LMLN: variants seen among roughly 807,000 people sequenced by gnomAD.
LMLN encodes leishmanolysin like peptidase, also known as leishmanolysin-like peptidase.
Under a neutral mutation model 92.3 loss-of-function variants are expected in LMLN, and 70 were observed. The ratio of observed to expected loss-of-function variants is 0.76; its 90% CI spans 0.63 to 0.92. The LOEUF (loss-of-function observed/expected upper bound fraction) is 0.92. Ranked by LOEUF, LMLN falls within the 40% of genes least tolerant of loss-of-function variation. LMLN has a pLI of 0.00. For synonymous variants in LMLN, 308 were observed against 296.2 expected (o/e 1.04, Z -0.41); for missense variants, 691 against 814.6 (o/e 0.85, Z 1.85).
chr3:197,980,246 T>A (rs994873220), intron 5 of LMLN, 80 bp from the exon 6 acceptor site: 1 of 1,193,056 alleles, frequency 8.4e-7, no homozygotes, highest in African/African-American at 1.5e-5. Flanking sequence ...GTTTATAGTG[T>A]AGATTTTACT....
At chr3:198,010,373 T>C (rs1212880537) in intron 11 of LMLN, among the ~76,000 whole-genome samples, 3 of 152,168 alleles carry the variant, frequency 2.0e-5, no homozygotes, top group Non-Finnish European at 2.9e-5. Flanking sequence ...GGTCTTGAAC[T>C]CCTGACCTCA....
chr3:197,971,895 A>T (rs770356843), intron 1 of LMLN, among the ~76,000 whole-genome samples: 1 of 146,560 alleles, frequency 6.8e-6, no homozygotes, highest in African/African-American at 2.5e-5. Flanking sequence ...ATAGGACTCT[A>T]ATTACCTATC....
chr3:198,023,180 T>TTTATTATTA (rs60913650), intron 13 of LMLN, among the ~76,000 whole-genome samples: 12 of 150,194 alleles, frequency 8.0e-5, no homozygotes, highest in African/African-American at 2.7e-4. Flanking sequence ...TGAATTCTGT[T>TTTATTATTA]TTATTATTAT....
Position 198,025,394 on chromosome 3 carries a change from G to A in LMLN, c.1656+606G>A, listed in dbSNP as rs1722905329. Among the ~76,000 whole-genome samples, 1 of 151,594 alleles carries A rather than the reference G, an allele frequency of 6.6e-6. No individual in the cohort carries two copies. The highest frequency in any genetic ancestry group is 2.1e-4 in the South Asian group (1 of 4,812). On this transcript the variant is annotated intron_variant, in intron 14 of 15. Transcript: ENST00000330198. This position sits in a 1 kb window ranked among gnomAD's most constrained non-coding sequence, Gnocchi z 4.3. ...TCCTTTTTCTTTTTCTTTTTTTTGA[G>A]ACAAGGTCTTGCTCTGTCAGCTAGG...
At chr3:198,023,382 G>T (rs1424560960) in intron 13 of LMLN, among the ~76,000 whole-genome samples, 1 of 151,900 alleles carries the variant, frequency 6.6e-6, no homozygotes, top group East Asian at 1.9e-4. Flanking sequence ...TAGAGATGAG[G>T]CTTGCTATGT....
chr3:198,006,717 C>G (rs899525222), intron 11 of LMLN, among the ~76,000 whole-genome samples: 2 of 147,084 alleles, frequency 1.4e-5, no homozygotes, highest in African/African-American at 5.0e-5. Context: ...GTCTCTTTGT[C>G]TTTTTTTTTT....
intron 11 of LMLN, among the ~76,000 whole-genome samples, chr3:198,012,879 G>A (rs1261415733): frequency 7.5e-6 from 1 of 132,602 alleles, no homozygotes; most frequent in South Asian, 2.4e-4. Context: ...GTACCCTTCA[G>A]AGTCCCCTAA....
chr3:198,020,689 G>C (rs1372389804), intron 12 of LMLN, among the ~76,000 whole-genome samples: 1 of 149,890 alleles, frequency 6.7e-6, no homozygotes, highest in Non-Finnish European at 1.5e-5. Flanking sequence ...TGCCTCCCAG[G>C]TTCAAACTAT....
chr3:197,995,864 T>A (rs1409446606), intron 9 of LMLN, among the ~76,000 whole-genome samples: 1 of 152,170 alleles, frequency 6.6e-6, no homozygotes, highest in African/African-American at 2.4e-5. Flanking sequence ...AATAAAAAAT[T>A]TTAAATTGTT....
At chr3:197,965,411 A>T (rs1488742080) in intron 1 of LMLN, among the ~76,000 whole-genome samples, 11 of 148,272 alleles carry the variant, frequency 7.4e-5, no homozygotes, top group Admixed American at 6.7e-5. Context: ...GTTTTTTTTT[A>T]TTTTATTGTT....
intron 9 of LMLN, among the ~76,000 whole-genome samples, chr3:197,993,128 T>C (rs1030575438): frequency 6.6e-6 from 1 of 152,022 alleles, no homozygotes; most frequent in African/African-American, 2.4e-5. Flanking sequence ...AAAAGGAAGA[T>C]ACCTCAGCAC....
At chr3:197,984,070 C>A (rs772497901) in intron 7 of LMLN, 22 bp downstream of exon 7, 17 of 1,450,722 alleles carry the variant, frequency 1.2e-5, no homozygotes, top group Non-Finnish European at 1.6e-5. Context: ...CCTTACTGTT[C>A]TTTCCTTCAT....
chr3:198,032,634 CAT>C (rs1723108148), intron 14 of LMLN, among the ~76,000 whole-genome samples: 1 of 152,110 alleles, frequency 6.6e-6, no homozygotes, highest in South Asian at 2.1e-4. Context: ...AGGCTTATCA[CAT>C]AGAGCGGGAA....
chr3:198,040,177 A>T (rs1296283326), exon 16 of LMLN: 1 of 152,226 alleles, frequency 6.6e-6, no homozygotes, highest in Non-Finnish European at 1.5e-5. Flanking sequence ...ATTGTGTACT[A>T]ATAGCAAGGT....
intron 9 of LMLN, among the ~76,000 whole-genome samples, chr3:197,995,000 A>G (rs1250299972): frequency 2.6e-5 from 4 of 152,178 alleles, no homozygotes; most frequent in African/African-American, 9.7e-5. Flanking sequence ...TGTTATACAC[A>G]ATTGACCCTT....
intron 9 of LMLN, among the ~76,000 whole-genome samples, chr3:197,993,129 A>C (rs1369864805): frequency 6.6e-6 from 1 of 152,140 alleles, no homozygotes; most frequent in Non-Finnish European, 1.5e-5. Context: ...AAAGGAAGAT[A>C]CCTCAGCACA....
intron 5 of LMLN, among the ~76,000 whole-genome samples, chr3:197,977,926 A>G (rs934236398): frequency 5.3e-5 from 8 of 151,134 alleles, no homozygotes; most frequent in East Asian, 2.0e-4. Flanking sequence ...TCATCAAACA[A>G]TCTGGAAGTA....
chr3:198,032,890 C>T (rs1270550779), intron 14 of LMLN, among the ~76,000 whole-genome samples: 1 of 152,170 alleles, frequency 6.6e-6, no homozygotes. Context: ...GGAATGCTGG[C>T]GTCTGTCTCT....
At chr3:197,966,334 A>C (rs1405165431) in intron 1 of LMLN, among the ~76,000 whole-genome samples, 1 of 152,162 alleles carries the variant, frequency 6.6e-6, no homozygotes, top group East Asian at 1.9e-4. Flanking sequence ...GAGCCACTGC[A>C]CCTGGCCTAT....
Sources: gnomAD v4.1 joint callset for allele counts (sites outside exome capture counted in the v4.1 genomes callset) on GRCh38, gnomAD v4.1.1 for gene constraint, Gnocchi (gnomAD v3.1) non-coding constraint, MANE v1.5 for transcripts, NCBI Gene and HGNC (gene_info 2026-07-23, HGNC 2026-07-21) for gene names.